RAB37: variants seen among roughly 807,000 people sequenced by gnomAD.
RAB37 encodes ras-related protein Rab-37.
A neutral mutation model predicts 33.1 loss-of-function variants in RAB37; 29 were observed. That is an observed-to-expected ratio of 0.88 (90% CI 0.65 to 1.20). The LOEUF is 1.20. RAB37 is among the 50% of genes most tolerant of loss of function. RAB37 has a pLI of 0.00. For synonymous variants in RAB37, 128 were observed against 119.5 expected, an observed-to-expected ratio of 1.07 and a Z score of -0.47; for missense variants, 299 against 301.1, an observed-to-expected ratio of 0.99 and a Z score of 0.05.
intron 2 of RAB37, 79 bp downstream of exon 2, chr17:74,740,957 C>G (rs920206569): frequency 3.8e-6 from 4 of 1,044,002 alleles, no homozygotes; most frequent in Non-Finnish European, 6.0e-6. Context: ...CCCCACCTTG[C>G]TCACCCTGGC....
intron 1 of RAB37, among the ~76,000 whole-genome samples, chr17:74,672,106 T>C (rs2036562203): frequency 6.6e-6 from 1 of 152,182 alleles, no homozygotes; most frequent in African/African-American, 2.4e-5. Flanking sequence ...CAAATCAGAC[T>C]CCCTCATGGC....
chr17:74,717,098 G>A (rs1598301688), intron 1 of RAB37, among the ~76,000 whole-genome samples: 1 of 152,316 alleles, frequency 6.6e-6, no homozygotes, highest in South Asian at 2.1e-4. Flanking sequence ...TCGCACCATT[G>A]CATTCCAGCC....
In RAB37 at chr17:74,729,699, G is replaced by A. The variant is rs2034360952; in HGVS notation, c.183+333G>A. ...TGGAGGGACACAGCAGCCCATGGGA[G>A]CCCCCCAGGGAGGCAGCCAGGAGAA... On this transcript the variant is annotated intron_variant, in intron 2 of 7. Transcript: ENST00000340415. The surrounding 1 kb of genome is among the most constrained non-coding windows in gnomAD (Gnocchi z 4.2). Among the ~76,000 whole-genome samples, 2 of 152,068 alleles carry A rather than the reference G, an allele frequency of 1.3e-5. No homozygotes were observed. Among genetic ancestry groups the A allele is most frequent in the Admixed American group, 6.6e-5 (1 of 15,266 alleles).
At chr17:74,712,554 C>T (rs996587466) in intron 1 of RAB37, among the ~76,000 whole-genome samples, 4 of 152,246 alleles carry the variant, frequency 2.6e-5, no homozygotes, top group African/African-American at 9.6e-5. Context: ...CTCTGCTTTT[C>T]CCTGGCCGGC....
At chr17:74,714,640 A>T (rs937027251) in intron 1 of RAB37, among the ~76,000 whole-genome samples, 6 of 152,104 alleles carry the variant, frequency 3.9e-5, no homozygotes, top group Non-Finnish European at 2.9e-5. Context: ...AAACCAGTTC[A>T]TTGCTCAGGA....
At position 74,730,104 on chromosome 17, in the gene RAB37, T is replaced by A. The variant is rs1218243042; in HGVS notation, c.183+738T>A. Reference sequence around the variant, plus strand: ...CCATCTCCCCGCGTTGTCCCGTGCCTGCGGCTGCAGCTGCCCTTGAATTCC... The same window carrying A: ...CCATCTCCCCGCGTTGTCCCGTGCCAGCGGCTGCAGCTGCCCTTGAATTCC... On this transcript the variant is annotated intron_variant, in intron 2 of 7. Coordinates refer to the RAB37 transcript ENST00000340415. The surrounding 1 kb of genome is among the most constrained non-coding windows in gnomAD (Gnocchi z 4.4). Among the ~76,000 whole-genome samples, 1 of 152,170 alleles carries A rather than the reference T, an allele frequency of 6.6e-6. No homozygotes were observed. Among genetic ancestry groups the A allele is most frequent in the Non-Finnish European group, 1.5e-5 (1 of 68,018 alleles).
At chr17:74,704,784 T>C (rs771210975) in intron 1 of RAB37, 24 of 1,613,724 alleles carry the variant, frequency 1.5e-5, no homozygotes, top group Non-Finnish European at 1.7e-5. Flanking sequence ...TTCACTGTTG[T>C]TGGACCGGTG....
chr17:74,682,955 A>G (rs563098171), intron 1 of RAB37, among the ~76,000 whole-genome samples: 2 of 152,348 alleles, frequency 1.3e-5, no homozygotes, highest in Admixed American at 6.5e-5. Flanking sequence ...GGATGGTGTC[A>G]TCTGGAGGCT....
In RAB37 at chr17:74,702,174, C is replaced by T. The variant is rs2033114171; in HGVS notation, c.73-27082C>T. ...GTCCCAGCAAAAGGAGAACTTGGCA[C>T]TTGGCAGATCTAAAAACAAAGTCAA... On this transcript the variant is annotated intron_variant, in intron 1 of 7. Coordinates refer to the RAB37 transcript ENST00000340415. 3.3e-5 allele frequency among the ~76,000 whole-genome samples: 5 copies of T among 152,064 alleles called. No homozygotes were observed. The South Asian group carries it at 1.0e-3, about 32-fold the overall frequency.
chr17:74,695,657 A>G, intron 1 of RAB37: 3 of 1,608,030 alleles, frequency 1.9e-6, no homozygotes, highest in Non-Finnish European at 2.6e-6. Context: ...CCCACCCTCC[A>G]ACGGGGTGCA....
intron 1 of RAB37, among the ~76,000 whole-genome samples, chr17:74,683,512 T>A (rs1194338807): frequency 2.0e-5 from 3 of 152,244 alleles, no homozygotes; most frequent in Non-Finnish European, 4.4e-5. Flanking sequence ...TTTATGAGTA[T>A]GCCACCTACA....
At position 74,744,305 on chromosome 17, in the gene RAB37, C is replaced by T. The variant is rs2034694821; in HGVS notation, c.367-3C>T. On this transcript the variant is annotated splice_polypyrimidine_tract_variant and splice_region_variant and intron_variant, in intron 5 of 8. Coordinates refer to ENST00000392613, the MANE Select transcript of RAB37 (RefSeq NM_001006638.3). The surrounding 1 kb of genome is among the most constrained non-coding windows in gnomAD (Gnocchi z 4.2). ...TGCCAGTCTCGCACGCCCTCTCCCA[C>T]AGGCCTGGCTCACTGAGATTCATGA... is the stretch of plus-strand genomic sequence containing the variant. The T allele has an allele frequency of 1.2e-6, 2 of 1,612,504 alleles. No homozygotes were observed. Among genetic ancestry groups the T allele is most frequent in the East Asian group, 4.5e-5 (2 of 44,882 alleles).
intron 1 of RAB37, chr17:74,705,236 T>C (rs1380706796): frequency 5.7e-6 from 4 of 702,248 alleles, no homozygotes; most frequent in Non-Finnish European, 1.0e-5. Flanking sequence ...CCTCATGAGG[T>C]CGAGCTGAGG....
At chr17:74,723,104 A>T (rs1333429932) in intron 1 of RAB37, among the ~76,000 whole-genome samples, 2 of 152,240 alleles carry the variant, frequency 1.3e-5, no homozygotes, top group African/African-American at 4.8e-5. Context: ...TCTTCCGCAA[A>T]GTTGCAATTG....
chr17:74,700,341 G>A (rs563381856), intron 1 of RAB37, among the ~76,000 whole-genome samples: 1 of 152,004 alleles, frequency 6.6e-6, no homozygotes, highest in Admixed American at 6.5e-5. Flanking sequence ...AATATTCCAG[G>A]CACATCCCCA....
intron 1 of RAB37, among the ~76,000 whole-genome samples, chr17:74,684,451 A>G (rs557404408): frequency 2.8e-4 from 42 of 152,108 alleles, no homozygotes; most frequent in Non-Finnish European, 4.7e-4. Context: ...AAAAACAAAG[A>G]AAAAATTTCC....
At chr17:74,696,937 T>C (rs986014425) in intron 1 of RAB37, among the ~76,000 whole-genome samples, 1 of 151,906 alleles carries the variant, frequency 6.6e-6, no homozygotes, top group African/African-American at 2.4e-5. Context: ...TGGTTTGGTT[T>C]GGTTTGGTTT....
rs1286662935 is a variant in RAB37 at position 74,730,425 on chromosome 17, C to T, written c.183+1059C>T. Among the ~76,000 whole-genome samples the T allele has an allele frequency of 6.6e-6, 1 of 152,186 alleles. No individual in the cohort carries two copies. Among genetic ancestry groups the T allele is most frequent in the East Asian group, 1.9e-4 (1 of 5,182 alleles). On this transcript the variant is annotated intron_variant, in intron 2 of 7. Transcript: ENST00000340415. The surrounding 1 kb of genome is among the most constrained non-coding windows in gnomAD (Gnocchi z 4.4). ...AGGCAGGGGTTCAGAATGAACATGG[C>T]TTCTGCATGACCTTCCAGGAGGCAA... is the stretch of plus-strand genomic sequence containing the variant.
chr17:74,710,205 G>T (rs1325161186), intron 1 of RAB37, among the ~76,000 whole-genome samples: 1 of 150,860 alleles, frequency 6.6e-6, no homozygotes, highest in African/African-American at 2.4e-5. Flanking sequence ...TCGATCTCCT[G>T]ACCTTGTGAT....
Sources: gnomAD v4.1 joint callset for allele counts (sites outside exome capture counted in the v4.1 genomes callset) on GRCh38, gnomAD v4.1.1 for gene constraint, Gnocchi (gnomAD v3.1) non-coding constraint, MANE v1.5 for transcripts, NCBI Gene and HGNC (gene_info 2026-07-23, HGNC 2026-07-21) for gene names.